The following MGAT4D variants were observed in gnomAD, a reference collection of about 807,000 sequenced individuals.
MGAT4D encodes the protein MGAT4 family member D.
A neutral mutation model predicts 15.9 loss-of-function variants in MGAT4D; 34 were observed. The observed-to-expected ratio is 2.14, with a 90% CI of 1.62 to 2.84. The LOEUF (loss-of-function observed/expected upper bound fraction) is 2.84, where lower values mean the gene tolerates loss of function less well. Ranked by LOEUF, MGAT4D falls within the 30% of genes most tolerant of loss-of-function variation. The pLI is 0.00. For missense variants in MGAT4D, 327 were observed against 140.2 expected, an observed-to-expected ratio of 2.33 and a Z score of -6.73; for synonymous variants, 112 against 48.2, an observed-to-expected ratio of 2.33 and a Z score of -5.49.
intron 1 of MGAT4D, among the ~76,000 whole-genome samples, chr4:140,483,909 T>C (rs1030406264): frequency 1.3e-5 from 2 of 152,206 alleles, no homozygotes; most frequent in Non-Finnish European, 2.9e-5. Flanking sequence ...GTAAGATTAC[T>C]AGAAGAAACC....
chr4:140,459,709 C>G, intron 7 of MGAT4D, 83 bp from the exon 8 acceptor site: 1 of 347,660 alleles, frequency 2.9e-6, no homozygotes, highest in Non-Finnish European at 5.1e-6. Flanking sequence ...ATAAAAAATA[C>G]AACTGAATAT....
intron 1 of MGAT4D, among the ~76,000 whole-genome samples, chr4:140,486,992 A>C (rs547041316): frequency 5.3e-4 from 80 of 152,264 alleles, no homozygotes; most frequent in Non-Finnish European, 8.5e-4. Flanking sequence ...GGGTTTCTAC[A>C]TTGTAGGTCA....
chr4:140,478,134 A>G lies in MGAT4D; in HGVS notation c.391+1356T>C, dbSNP rs1378059826. ...ACCAAAAGGGCCTCAAAAGAAGGAT[A>G]AATACGTACACCATGATTGGAGATC... is the stretch of plus-strand genomic sequence containing the variant. On this transcript the variant is annotated intron_variant, in intron 3 of 10. Coordinates refer to ENST00000511113, the MANE Select transcript of MGAT4D (RefSeq NM_001277353.2). Among the ~76,000 whole-genome samples the G allele has an allele frequency of 2.6e-5, 4 of 152,174 alleles. No homozygotes were observed. The South Asian group carries it at 6.2e-4, about 24-fold the overall frequency.
intron 1 of MGAT4D, among the ~76,000 whole-genome samples, chr4:140,491,661 G>GCCCTT (rs1346026564): frequency 6.6e-6 from 1 of 151,852 alleles, no homozygotes; most frequent in African/African-American, 2.4e-5. Context: ...CTCTGGCAAA[G>GCCCTT]GCAGAGGTAG....
At chr4:140,450,561 G>A (rs1201551209) in intron 10 of MGAT4D, among the ~76,000 whole-genome samples, 1 of 152,124 alleles carries the variant, frequency 6.6e-6, no homozygotes, top group African/African-American at 2.4e-5. Context: ...TTCACATTAT[G>A]TTCTAGGCAT....
At chr4:140,445,747 G>A (rs1377791909) in intron 10 of MGAT4D, among the ~76,000 whole-genome samples, 6 of 152,088 alleles carry the variant, frequency 3.9e-5, no homozygotes, top group South Asian at 2.1e-4. Context: ...TTCTGCACGC[G>A]GCCAGCCAGT....
chr4:140,484,226 G>A (rs888073273), intron 1 of MGAT4D, among the ~76,000 whole-genome samples: 3 of 151,942 alleles, frequency 2.0e-5, no homozygotes, highest in African/African-American at 7.3e-5. Flanking sequence ...GTAAAAAATT[G>A]GCAAAAGATT....
At position 140,442,325 on chromosome 4, in the gene MGAT4D, G is replaced by C. The variant is rs961744348; in HGVS notation, c.*1111C>G. On this transcript the variant is annotated 3_prime_UTR_variant, in exon 11 of 11. Transcript: ENST00000511113. ...ACAGTTCATACTGAGGCGAATGTGTGAGATCTTGGCACTCAAGAATAAGGC... is the reference window on the plus strand; with the variant it reads ...ACAGTTCATACTGAGGCGAATGTGTCAGATCTTGGCACTCAAGAATAAGGC... The C allele has an allele frequency of 7.9e-5, 12 of 152,138 alleles. No individual in the cohort carries two copies. The highest frequency in any genetic ancestry group is 2.9e-4 in the African/African-American group (12 of 41,444). 9.4% of individuals were successfully genotyped at this position (152,138 alleles called of 1,614,324 possible).
chr4:140,450,442 T>C (rs993073402), intron 10 of MGAT4D, among the ~76,000 whole-genome samples: 1 of 152,236 alleles, frequency 6.6e-6, no homozygotes, highest in Non-Finnish European at 1.5e-5. Context: ...TGCACAAAGA[T>C]TCACAACAGT....
At chr4:140,459,768 T>G (rs77745421) in intron 7 of MGAT4D, 142 bp from the exon 8 acceptor site, 5,507 of 292,144 alleles carry the variant, frequency 0.019, 285 homozygotes, top group African/African-American at 0.11. Flanking sequence ...CAGTTTCAAT[T>G]AATTGAAGGT....
At chr4:140,466,929 C>A (rs892233544) in intron 5 of MGAT4D, among the ~76,000 whole-genome samples, 2 of 152,014 alleles carry the variant, frequency 1.3e-5, no homozygotes, top group African/African-American at 4.8e-5. Context: ...AGTCTCTGTG[C>A]CAATTTTGCT....
intron 9 of MGAT4D, among the ~76,000 whole-genome samples, chr4:140,454,454 C>T (rs924866165): frequency 7.2e-5 from 11 of 151,922 alleles, no homozygotes; most frequent in South Asian, 4.2e-4. Context: ...AGGATAAATA[C>T]CAATTAGTAT....
intron 10 of MGAT4D, among the ~76,000 whole-genome samples, chr4:140,446,744 T>G (rs13117070): frequency 2.9e-5 from 1 of 34,908 alleles, no homozygotes; most frequent in Non-Finnish European, 5.6e-5. Flanking sequence ...GCTTCTCTAG[T>G]TTTTTTTTTT....
intron 1 of MGAT4D, among the ~76,000 whole-genome samples, chr4:140,492,937 T>TA (rs1733600003): frequency 6.6e-6 from 1 of 152,106 alleles, no homozygotes; most frequent in African/African-American, 2.4e-5. Flanking sequence ...ACTGGAAAAA[T>TA]AAAAAGTCAT....
intron 1 of MGAT4D, among the ~76,000 whole-genome samples, chr4:140,492,804 C>A (rs962683096): frequency 6.6e-6 from 1 of 151,992 alleles, no homozygotes; most frequent in Admixed American, 6.6e-5. Flanking sequence ...GAAACAGGCT[C>A]TTTAAAAACA....
At chr4:140,460,246 C>G (rs1731086059) in intron 7 of MGAT4D, among the ~76,000 whole-genome samples, 7 of 152,158 alleles carry the variant, frequency 4.6e-5, no homozygotes, top group Admixed American at 4.6e-4. Context: ...GCTGTTATAA[C>G]AAAATACCAT....
Position 140,479,577 on chromosome 4 carries a change from A to G in MGAT4D, c.304T>C (p.Phe102Leu). Reference sequence around the variant, plus strand: ...GGAAAAAAGAACTTTAAGTCTTCAAATGTATTAGATACTGTTTCATTTTTA... The same window carrying G: ...GGAAAAAAGAACTTTAAGTCTTCAAGTGTATTAGATACTGTTTCATTTTTA... ...LNKNETVSNTFEDLKFFFPHL... is the reference protein window; with the variant it reads ...LNKNETVSNTLEDLKFFFPHL... Residue 102 changes from phenylalanine to leucine, a missense_variant, in exon 3 of 11, where the codon TTT (phenylalanine) becomes CTT (leucine). Transcript: ENST00000511113. 1.8e-6 allele frequency: 1 copy of G among 546,766 alleles called. No homozygotes were observed. Among genetic ancestry groups the G allele is most frequent in the Non-Finnish European group, 3.2e-6 (1 of 309,766 alleles). 33.9% of individuals were successfully genotyped at this position (546,766 alleles called of 1,614,324 possible).
At chr4:140,471,177 T>A (rs1731917603) in intron 5 of MGAT4D, among the ~76,000 whole-genome samples, 1 of 151,964 alleles carries the variant, frequency 6.6e-6, no homozygotes, top group African/African-American at 2.4e-5. Context: ...CAGGTGTGAG[T>A]CACCATGCCT....
chr4:140,478,012 G>C (rs982751986), intron 3 of MGAT4D, among the ~76,000 whole-genome samples: 2 of 152,112 alleles, frequency 1.3e-5, no homozygotes, highest in Non-Finnish European at 2.9e-5. Flanking sequence ...CCTTGCCACA[G>C]GCTTCAATCC....
Sources: gnomAD v4.1 joint callset for allele counts (sites outside exome capture counted in the v4.1 genomes callset) on GRCh38, gnomAD v4.1.1 for gene constraint, MANE v1.5 for transcripts, NCBI Gene and HGNC (gene_info 2026-07-23, HGNC 2026-07-21) for gene names.